PDE1C: variants seen among roughly 807,000 people sequenced by gnomAD.
PDE1C encodes dual specificity calcium/calmodulin-dependent 3',5'-cyclic nucleotide phosphodiesterase 1C.
In PDE1C, 62 loss-of-function variants were observed where a neutral mutation model predicts 93.1. That is an observed-to-expected ratio of 0.67 (90% CI 0.54 to 0.82). The LOEUF (loss-of-function observed/expected upper bound fraction) is 0.82, where lower values mean the gene tolerates loss of function less well. Ranked by LOEUF, PDE1C falls within the 40% of genes least tolerant of loss-of-function variation. The probability of loss-of-function intolerance (pLI) is 0.00; values close to 1 mark genes in which losing one functional copy is unlikely to be tolerated. For synonymous variants in PDE1C, 325 were observed against 310.1 expected (o/e 1.05, Z -0.50); for missense variants, 742 against 884.6 (o/e 0.84, Z 2.04).
At chr7:32,298,360 C>T (rs529990530) in intron 1 of PDE1C, among the ~76,000 whole-genome samples, 3 of 152,200 alleles carry the variant, frequency 2.0e-5, no homozygotes, top group East Asian at 3.9e-4. Context: ...CCCCGGCCTG[C>T]CTTATTAAAA....
Position 31,752,188 on chromosome 7 carries a change from C to T in PDE1C, c.*1196G>A, listed in dbSNP as rs1794174427. The T allele has an allele frequency of 6.6e-6, 1 of 152,154 alleles. No homozygotes were observed. Among genetic ancestry groups the T allele is most frequent in the African/African-American group, 2.4e-5 (1 of 41,434 alleles). 9.4% of individuals were successfully genotyped at this position (152,154 alleles called of 1,614,324 possible). On this transcript the variant is annotated 3_prime_UTR_variant, in exon 18 of 18. Transcript: ENST00000396191. ...AAGATCAGACTGGCCTGAAAACAAA[C>T]CTAGTTTTCTCACTGCACCAGGCTA...
chr7:31,759,220 A>C (rs918981819), intron 17 of PDE1C, among the ~76,000 whole-genome samples: 24 of 152,170 alleles, frequency 1.6e-4, no homozygotes, highest in African/African-American at 5.8e-4. Context: ...ACAGAGCAAA[A>C]CACCAGAGCC....
chr7:31,638,689 C>T, the PDE1C span, among the ~76,000 whole-genome samples: 8 of 152,190 alleles, frequency 5.3e-5, no homozygotes, highest in African/African-American at 9.6e-5. Context: ...TTTGTTAACT[C>T]GATATGTAAT....
chr7:32,062,225 C>T (rs1236429866), intron 1 of PDE1C, among the ~76,000 whole-genome samples: 2 of 152,178 alleles, frequency 1.3e-5, no homozygotes, highest in African/African-American at 4.8e-5. Flanking sequence ...TGCGAGTTGA[C>T]CTTAATTCCA....
At chr7:32,051,620 T>C (rs1189426917) in intron 1 of PDE1C, 40 bp from the exon 2 acceptor site, 1 of 1,580,040 alleles carries the variant, frequency 6.3e-7, no homozygotes. Context: ...AAAAGGGTTG[T>C]GGCAGGCAGT....
At chr7:32,042,714 G>C (rs568257585) in intron 2 of PDE1C, among the ~76,000 whole-genome samples, 1 of 152,242 alleles carries the variant, frequency 6.6e-6, no homozygotes, top group Admixed American at 6.5e-5. Flanking sequence ...ATATATATGG[G>C]GTACAGACTA....
At chr7:31,655,956 A>C in the PDE1C span, 1 of 985,216 alleles carries the variant, frequency 1.0e-6, no homozygotes, top group Non-Finnish European at 1.2e-6. Flanking sequence ...CCTCAGATGA[A>C]TCTCCAATTC....
chr7:32,196,618 C>T (rs1489274491), intron 2 of PDE1C, among the ~76,000 whole-genome samples: 1 of 151,938 alleles, frequency 6.6e-6, no homozygotes, highest in Non-Finnish European at 1.5e-5. Flanking sequence ...AAATGTATGT[C>T]TATTTTATCT....
chr7:31,751,369 C>G lies in PDE1C; in HGVS notation c.*2015G>C, dbSNP rs1384087969. ...AGGAGAAAAGAATACAGATTTGTTC[C>G]CCAGGAACATGGCTTCCAACATCAA... On this transcript the variant is annotated 3_prime_UTR_variant, in exon 18 of 18. Transcript: ENST00000396191. 1.3e-5 allele frequency: 2 copies of G among 151,996 alleles called. No individual in the cohort carries two copies. Among genetic ancestry groups the G allele is most frequent in the Non-Finnish European group, 2.9e-5 (2 of 67,994 alleles). 9.4% of individuals were successfully genotyped at this position (151,996 alleles called of 1,614,324 possible).
chr7:31,725,456 G>A, the PDE1C span, among the ~76,000 whole-genome samples: 28 of 152,176 alleles, frequency 1.8e-4, no homozygotes, highest in African/African-American at 6.5e-4. Flanking sequence ...ACCAAAAGGA[G>A]AGCTACAACT....
intron 1 of PDE1C, among the ~76,000 whole-genome samples, chr7:32,240,291 C>T (rs1808447972): frequency 6.6e-6 from 1 of 152,092 alleles, no homozygotes; most frequent in Non-Finnish European, 1.5e-5. Flanking sequence ...AAATATAAGA[C>T]ATACATGCCT....
At chr7:32,030,580 G>A (rs753390119) in intron 2 of PDE1C, among the ~76,000 whole-genome samples, 12 of 152,000 alleles carry the variant, frequency 7.9e-5, no homozygotes, top group Non-Finnish European at 1.5e-4. Flanking sequence ...TAAGTTACCT[G>A]GGCATATTGA....
At chr7:31,779,252 T>A (rs1783224253) in intron 16 of PDE1C, among the ~76,000 whole-genome samples, 1 of 152,168 alleles carries the variant, frequency 6.6e-6, no homozygotes, top group South Asian at 2.1e-4. Flanking sequence ...GATACTCTTG[T>A]GAAGTTGAGA....
rs1182404417 is a variant in PDE1C at position 31,754,102 on chromosome 7, C to G, written c.1961-549G>C. ...AAAATGGGCAAAACATCTGAACAGA[C>G]TTCACACCAAGGAAGATGTATGTGT... On this transcript the variant is annotated intron_variant, in intron 17 of 17. Coordinates refer to ENST00000396191, the MANE Select transcript of PDE1C (RefSeq NM_001191057.4). 3.9e-5 allele frequency among the ~76,000 whole-genome samples: 6 copies of G among 152,298 alleles called. No homozygotes were observed. In the East Asian group the frequency reaches 1.2e-3, roughly 29 times the overall value.
intron 3 of PDE1C, among the ~76,000 whole-genome samples, chr7:32,115,544 T>C (rs1798942549): frequency 1.3e-5 from 2 of 152,220 alleles, no homozygotes; most frequent in South Asian, 2.1e-4. Context: ...AGATGACTGA[T>C]TAATAGGTTC....
intron 1 of PDE1C, among the ~76,000 whole-genome samples, chr7:32,212,025 C>CAAAAAAAAAAA (rs35827566): frequency 1.2e-5 from 1 of 81,262 alleles, no homozygotes; most frequent in Non-Finnish European, 2.5e-5. Context: ...GAACCTATCT[C>CAAAAAAAAAAA]AAAAAAAAAA....
chr7:32,300,732 C>T (rs560264480), upstream of PDE1C, among the ~76,000 whole-genome samples: 3 of 152,224 alleles, frequency 2.0e-5, no homozygotes, highest in African/African-American at 7.2e-5. Context: ...ACAAAAATAA[C>T]GTATTTTAGT....
chr7:32,112,834 GTGTGTGTGTGTGTA>G (rs1412226966), intron 3 of PDE1C, among the ~76,000 whole-genome samples: 10 of 58,088 alleles, frequency 1.7e-4, no homozygotes, highest in South Asian at 1.6e-3. Flanking sequence ...GTGTGTGTGT[GTGTGTGTGTGTGTA>G]TATATATATA....
chr7:32,374,821 A>G (rs1784407751), intron 1 of PDE1C, among the ~76,000 whole-genome samples: 1 of 152,212 alleles, frequency 6.6e-6, no homozygotes, highest in South Asian at 2.1e-4. Context: ...GATGTTCTGA[A>G]TCTCTGATAT....
Sources: gnomAD v4.1 joint callset for allele counts (sites outside exome capture counted in the v4.1 genomes callset) on GRCh38, gnomAD v4.1.1 for gene constraint, MANE v1.5 for transcripts, NCBI Gene and HGNC (gene_info 2026-07-23, HGNC 2026-07-21) for gene names.